The following CTNNB1 variants were observed in gnomAD, a reference collection of about 807,000 sequenced individuals.
CTNNB1 encodes catenin beta 1.
Under a neutral mutation model 82.5 loss-of-function variants are expected in CTNNB1, and 6 were observed. The observed-to-expected ratio is 0.07, with a 90% CI of 0.04 to 0.14. CTNNB1 has a LOEUF of 0.14. Among genes scored for constraint, CTNNB1 ranks in the 10% least tolerant of loss-of-function variants. The probability of loss-of-function intolerance (pLI) is 1.00; values close to 1 mark genes in which losing one functional copy is unlikely to be tolerated. For synonymous variants in CTNNB1, 312 were observed against 329.7 expected (o/e 0.95, Z 0.58); for missense variants, 529 against 980.4 (o/e 0.54, Z 6.15).
In CTNNB1 at chr3:41,225,795, T is replaced by C. The variant is rs2078161443; in HGVS notation, c.870T>C (p.Asn290=). ...QKMVALLNKT[N]VKFLAITTDC... ...TGGTTGCCTTGCTCAACAAAACAAA[T>C]GTTAAATTCTTGGCTATTACGACAG... The change falls in exon 6 of 15, where the codon AAT becomes AAC. Residue 290 remains asparagine (N), a synonymous_variant. Transcript: ENST00000349496. This position sits in a 1 kb window ranked among gnomAD's most constrained non-coding sequence, Gnocchi z 5.3. 1.2e-6 allele frequency: 2 copies of C among 1,614,090 alleles called. No homozygotes were observed. Among genetic ancestry groups the C allele is most frequent in the African/African-American group, 2.7e-5 (2 of 75,044 alleles).
chr3:41,217,119 A>G (rs1296820968), intron 1 of CTNNB1, among the ~76,000 whole-genome samples: 1 of 152,114 alleles, frequency 6.6e-6, no homozygotes, highest in Admixed American at 6.5e-5. Context: ...CCTTCTAGTT[A>G]CACTGGTGAC....
chr3:41,219,417 G>A (rs1023207020), intron 1 of CTNNB1, among the ~76,000 whole-genome samples: 4 of 152,132 alleles, frequency 2.6e-5, no homozygotes, highest in African/African-American at 4.8e-5. Context: ...TGGCCTATAT[G>A]TGCTATATCA....
chr3:41,237,697 CTT>C (rs548643863), intron 13 of CTNNB1: 2,048 of 139,778 alleles, frequency 0.015, no homozygotes, highest in South Asian at 0.035. Context: ...GGCATTTTGC[CTT>C]TTTTTTTTTT....
intron 13 of CTNNB1, chr3:41,237,744 AAC>A: frequency 2.4e-6 from 1 of 422,082 alleles, no homozygotes; most frequent in Middle Eastern, 7.0e-4. Flanking sequence ...TAGCATGTAG[AAC>A]AGTGCCTGGC....
rs3038134 is a variant in CTNNB1 at position 41,237,446 on chromosome 3, CA to C, written c.2077-549del. ...TCAGTGACAGAGCCAGACTCCAACA[CA>C]AAAAAAAAAAAAAAAAAAAAGCAAA... is the stretch of plus-strand genomic sequence containing the variant. On this transcript the variant is annotated intron_variant, in intron 13 of 14. Coordinates refer to ENST00000349496, the MANE Select transcript of CTNNB1 (RefSeq NM_001904.4). The C allele has an allele frequency of 7.1e-3, 464 of 65,244 alleles. 3 individuals are homozygous for C. The highest frequency in any genetic ancestry group is 0.039 in the East Asian group (73 of 1,894). The allele number at this position is 65,244 out of a possible 1,614,324, so 4.0% of individuals were successfully genotyped here. A position where few individuals can be genotyped will look rare whatever the true frequency, so the allele number is the denominator to read the frequency against.
chr3:41,224,820 T>C (rs1465038547), intron 3 of CTNNB1, 67 bp downstream of exon 3: 4 of 1,591,392 alleles, frequency 2.5e-6, no homozygotes, highest in Non-Finnish European at 8.6e-7. Context: ...AAAAAGTTAG[T>C]GTATAATAGT....
intron 1 of CTNNB1, chr3:41,221,131 G>C (rs2078040505): frequency 6.6e-6 from 1 of 152,190 alleles, no homozygotes; most frequent in Admixed American, 6.5e-5. Context: ...ACTTGGTGGT[G>C]ATAAAGCTGT....
intron 1 of CTNNB1, among the ~76,000 whole-genome samples, chr3:41,217,814 T>G (rs930142294): frequency 5.9e-5 from 9 of 152,348 alleles, no homozygotes; most frequent in African/African-American, 1.9e-4. Context: ...CTTTGAAATG[T>G]TATTTCTTGT....
intron 7 of CTNNB1, among the ~76,000 whole-genome samples, chr3:41,231,719 AAC>A (rs750722415): frequency 6.6e-6 from 1 of 152,228 alleles, no homozygotes; most frequent in Non-Finnish European, 1.5e-5. Flanking sequence ...TGTATAGATT[AAC>A]AGTTTGAATG....
At chr3:41,216,751 A>T (rs186719840) in intron 1 of CTNNB1, among the ~76,000 whole-genome samples, 94 of 152,326 alleles carry the variant, frequency 6.2e-4, no homozygotes, top group African/African-American at 2.2e-3. Flanking sequence ...ATTTCTAATA[A>T]TTTATGTATT....
chr3:41,211,099 A>G (rs758799383), intron 1 of CTNNB1: 30 of 456,226 alleles, frequency 6.6e-5, no homozygotes, highest in Admixed American at 5.4e-4. Flanking sequence ...GGCCCACTGT[A>G]CTTTTATACA....
At chr3:41,237,844 G>GT (rs1412634735) in intron 13 of CTNNB1, 172 bp from the exon 14 acceptor site, 17 of 610,330 alleles carry the variant, frequency 2.8e-5, no homozygotes, top group South Asian at 1.7e-4. Flanking sequence ...AAAAAAAAAT[G>GT]TATCTTTGAG....
In CTNNB1 at chr3:41,240,371, CTGCTGTGATACGA is replaced by C; in HGVS notation, c.*1034_*1046del. ...CCTTTTATCCCAAAGTTGTTGTAACCTGCTGTGATACGATGCTTCAAGAGAAAATGCGGTTATA... is the reference window on the plus strand; with the variant it reads ...CCTTTTATCCCAAAGTTGTTGTAACCTGCTTCAAGAGAAAATGCGGTTATA... On this transcript the variant is annotated 3_prime_UTR_variant, in exon 15 of 15. Transcript: ENST00000349496. The C allele has an allele frequency of 5.4e-6, 1 of 186,670 alleles. No homozygotes were observed. Among genetic ancestry groups the C allele is most frequent in the East Asian group, 8.7e-5 (1 of 11,552 alleles). The allele number at this position is 186,670 out of a possible 1,614,324, so 11.6% of individuals were successfully genotyped here. A position where few individuals can be genotyped will look rare whatever the true frequency, so the allele number is the denominator to read the frequency against.
At chr3:41,221,570 C>A (rs2078050100) in intron 1 of CTNNB1, 1 of 152,084 alleles carries the variant, frequency 6.6e-6, no homozygotes, top group Admixed American at 6.5e-5. Flanking sequence ...TCTTGGAACT[C>A]TTGTGCTGCA....
In CTNNB1 at chr3:41,210,655, T is replaced by C. The variant is rs188056442; in HGVS notation, c.-49+10985T>C. Among the ~76,000 whole-genome samples the C allele has an allele frequency of 2.8e-3, 432 of 152,212 alleles. 1 individual carries two copies. The highest frequency in any genetic ancestry group is 6.8e-3 in the Middle Eastern group (2 of 294). On this transcript the variant is annotated intron_variant, in intron 1 of 14. Transcript: ENST00000349496. Reference sequence around the variant, plus strand: ...ACCTCTTGAAGGACCTACCTGTGGCTGTTTTATAGTTAACTTTTTTTTTTT... The same window carrying C: ...ACCTCTTGAAGGACCTACCTGTGGCCGTTTTATAGTTAACTTTTTTTTTTT...
chr3:41,225,407 G>A lies in CTNNB1; in HGVS notation c.569G>A (p.Arg190His), dbSNP rs1172941347. The change falls in exon 5 of 15, where the codon CGT becomes CAT. Residue 190 changes from arginine to histidine, a missense_variant. Transcript: ENST00000349496. The surrounding 1 kb of genome is among the most constrained non-coding windows in gnomAD (Gnocchi z 5.3). ...KKEASRHAIM[R>H]SPQMVSAIVR... Reference sequence around the variant, plus strand: ...GAAGCTTCCAGACACGCTATCATGCGTTCTCCTCAGATGGTGTCTGCTATT... The same window carrying A: ...GAAGCTTCCAGACACGCTATCATGCATTCTCCTCAGATGGTGTCTGCTATT... 9.3e-6 allele frequency: 15 copies of A among 1,613,720 alleles called. No individual in the cohort carries two copies. The highest frequency in any genetic ancestry group is 1.3e-5 in the African/African-American group (1 of 74,892).
intron 13 of CTNNB1, 62 bp downstream of exon 13, chr3:41,236,771 C>T (rs1575334864): frequency 1.2e-6 from 2 of 1,606,968 alleles, no homozygotes; most frequent in Non-Finnish European, 1.7e-6. Context: ...GCAGCTTGTT[C>T]TTTCCTCTCA....
rs1575329338 is a variant in CTNNB1 at position 41,233,639 on chromosome 3, T to C, written c.1296T>C (p.Tyr432=). The C allele has an allele frequency of 3.7e-6, 6 of 1,614,182 alleles. No homozygotes were observed. Among genetic ancestry groups the C allele is most frequent in the Non-Finnish European group, 5.1e-6 (6 of 1,180,034 alleles). The change falls in exon 9 of 15, where the codon TAT becomes TAC. Residue 432 remains tyrosine (Y), a synonymous_variant. Transcript: ENST00000349496. ...TTTCTAACCTCACTTGCAATAATTATAAGAACAAGATGATGGTCTGCCAAG... is the reference window on the plus strand; with the variant it reads ...TTTCTAACCTCACTTGCAATAATTACAAGAACAAGATGATGGTCTGCCAAG... ...GILSNLTCNN[Y]KNKMMVCQVG...
In CTNNB1 at chr3:41,210,940, C is replaced by T. The variant is rs561042308; in HGVS notation, c.-49+11270C>T. On this transcript the variant is annotated intron_variant, in intron 1 of 14. Transcript: ENST00000349496. ...AAGTAGCTGGGACTACACCAGGCAC[C>T]CCACCATGCCTGGCTAATTAAAAAA... is the stretch of plus-strand genomic sequence containing the variant. 7.7e-4 allele frequency: 333 copies of T among 435,138 alleles called. 1 individual carries two copies. The highest frequency in any genetic ancestry group is 6.2e-3 in the African/African-American group (306 of 49,622). The allele number at this position is 435,138 out of a possible 1,614,324, so 27.0% of individuals were successfully genotyped here.
Sources: gnomAD v4.1 joint callset for allele counts (sites outside exome capture counted in the v4.1 genomes callset) on GRCh38, gnomAD v4.1.1 for gene constraint, Gnocchi (gnomAD v3.1) non-coding constraint, MANE v1.5 for transcripts, NCBI Gene and HGNC (gene_info 2026-07-23, HGNC 2026-07-21) for gene names.